The following MINAR1 variants were observed in gnomAD, a reference collection of about 807,000 sequenced individuals.
The protein encoded by MINAR1 is membrane integral NOTCH2 associated receptor 1.
A neutral mutation model predicts 65.1 loss-of-function variants in MINAR1; 40 were observed. The ratio of observed to expected loss-of-function variants is 0.61; its 90% CI spans 0.48 to 0.80. MINAR1 has a LOEUF of 0.80. Among genes scored for constraint, MINAR1 ranks in the 30% least tolerant of loss-of-function variants. The probability of loss-of-function intolerance (pLI) is 0.00; values close to 1 mark genes in which losing one functional copy is unlikely to be tolerated. For missense variants in MINAR1, 1,128 were observed against 1,148.0 expected, an observed-to-expected ratio of 0.98 and a Z score of 0.25; for synonymous variants, 482 against 449.1, an observed-to-expected ratio of 1.07 and a Z score of -0.93.
chr15:79,432,087 C>G (rs1179578117), upstream of MINAR1, among the ~76,000 whole-genome samples: 1 of 152,108 alleles, frequency 6.6e-6, no homozygotes, highest in African/African-American at 2.4e-5. Flanking sequence ...CCGGCCCGCG[C>G]TGCTCCCAGC....
the MINAR1 span, chr15:79,417,240 A>G: frequency 6.6e-6 from 1 of 152,258 alleles, no homozygotes; most frequent in African/African-American, 2.4e-5. Flanking sequence ...TAACAATCAC[A>G]AGAATGTAGA....
In MINAR1 at chr15:79,471,734, A is replaced by G. The variant is rs1228677680; in HGVS notation, c.*3350A>G. ...TTGTTGTTTTTTTTTTTGAAATAGA[A>G]AAAAACAGAAGAAGCTCTGCCAACA... On this transcript the variant is annotated 3_prime_UTR_variant, in exon 4 of 4. Transcript: ENST00000305428. 6.6e-6 allele frequency: 1 copy of G among 152,428 alleles called. No individual in the cohort carries two copies. The highest frequency in any genetic ancestry group is 1.5e-5 in the Non-Finnish European group (1 of 68,018). 9.4% of individuals were successfully genotyped at this position (152,428 alleles called of 1,614,324 possible). A position where few individuals can be genotyped will look rare whatever the true frequency, so the allele number is the denominator to read the frequency against.
At chr15:79,422,787 G>A in the MINAR1 span, 2 of 148,940 alleles carry the variant, frequency 1.3e-5, no homozygotes, top group African/African-American at 4.9e-5. Context: ...GGTGAGGGAA[G>A]TTTGGCCAGA....
intron 3 of MINAR1, 112 bp from the exon 4 acceptor site, chr15:79,468,075 C>T (rs909668424): frequency 6.1e-6 from 5 of 813,864 alleles, no homozygotes; most frequent in Non-Finnish European, 1.0e-5. Flanking sequence ...AATACAGTCT[C>T]TAACTCCCAG....
intron 1 of MINAR1, among the ~76,000 whole-genome samples, chr15:79,454,834 C>T (rs991271274): frequency 6.6e-6 from 1 of 152,186 alleles, no homozygotes; most frequent in Non-Finnish European, 1.5e-5. Flanking sequence ...ATAGGGTCTT[C>T]GGTTTCTACA....
At position 79,457,699 on chromosome 15, in the gene MINAR1, A is replaced by G. The variant is rs375161536; in HGVS notation, c.1552A>G (p.Ile518Val). 3.7e-6 allele frequency: 6 copies of G among 1,614,090 alleles called. No individual in the cohort carries two copies. Among genetic ancestry groups the G allele is most frequent in the Non-Finnish European group, 5.1e-6 (6 of 1,180,046 alleles). Residue 518 changes from isoleucine (I) to valine (V), a missense_variant, in exon 2 of 4, where the codon ATC (isoleucine) becomes GTC (valine). Physicochemically the swap from Ile to Val is conservative, Grantham distance 29. Coordinates refer to ENST00000305428, the MANE Select transcript of MINAR1 (RefSeq NM_015206.3). ...TGACTCAGAAATTGTCAGCGACGAC[A>G]TCAGTGACATTTTCCGATTTCTTGA... ...DDDSEIVSDD[I>V]SDIFRFLDDM...
In MINAR1 at chr15:79,468,060, T is replaced by C. The variant is rs564284567; in HGVS notation, c.2554-127T>C. 7.1e-6 allele frequency: 5 copies of C among 704,310 alleles called. No homozygotes were observed. In the East Asian group the frequency reaches 1.4e-4, roughly 19 times the overall value. The allele number at this position is 704,310 out of a possible 1,614,324, so 43.6% of individuals were successfully genotyped here. A position where few individuals can be genotyped will look rare whatever the true frequency, so the allele number is the denominator to read the frequency against. ...AGGCATGGGGCTGGTGGGGCAGTGT[T>C]ATGCAATACAGTCTCTAACTCCCAG... On this transcript the variant is annotated intron_variant, in intron 3 of 3. Transcript: ENST00000305428.
the MINAR1 span, chr15:79,414,475 A>G: frequency 2.0e-5 from 3 of 152,246 alleles, no homozygotes; most frequent in African/African-American, 7.2e-5. Context: ...TATGTGATGT[A>G]GTCATGGTTG....
chr15:79,450,341 G>T (rs77802691), intron 1 of MINAR1, among the ~76,000 whole-genome samples: 2 of 152,010 alleles, frequency 1.3e-5, no homozygotes, highest in South Asian at 2.1e-4. Context: ...AAGTTTTAGT[G>T]GGGGCTGGAC....
rs1368232739 is a variant in MINAR1 at position 79,457,725 on chromosome 15, T to C, written c.1578T>C (p.Asp526=). Residue 526 remains aspartate, a synonymous_variant, in exon 2 of 4, where the codon GAT becomes GAC. Coordinates refer to ENST00000305428, the MANE Select transcript of MINAR1 (RefSeq NM_015206.3). ...TCAGTGACATTTTCCGATTTCTTGA[T>C]GACATGAGCATCAGTGGCTCCACGG... ...DDISDIFRFL[D]DMSISGSTGV... 6.2e-7 allele frequency: 1 copy of C among 1,614,216 alleles called. No homozygotes were observed. Among genetic ancestry groups the C allele is most frequent in the Admixed American group, 1.7e-5 (1 of 60,036 alleles).
At chr15:79,468,096 C>A in intron 3 of MINAR1, 91 bp from the exon 4 acceptor site, 1 of 1,020,898 alleles carries the variant, frequency 9.8e-7, no homozygotes, top group Non-Finnish European at 1.5e-6. Context: ...CTGCAGACAA[C>A]TTAAGTGCTT....
In MINAR1 at chr15:79,456,847, A is replaced by T; in HGVS notation, c.700A>T (p.Asn234Tyr). Residue 234 changes from asparagine to tyrosine, a missense_variant, in exon 2 of 4, where the codon AAT becomes TAT. Coordinates refer to ENST00000305428, the MANE Select transcript of MINAR1 (RefSeq NM_015206.3). Reference protein sequence around the residue: ...SISDQDSLPINQSIKETFISN... With the variant: ...SISDQDSLPIYQSIKETFISN... ...TTCAGACCAGGACTCCCTGCCCATC[A>T]ATCAGAGCATCAAGGAGACCTTCAT... 6.2e-7 allele frequency: 1 copy of T among 1,614,172 alleles called. No individual in the cohort carries two copies. Among genetic ancestry groups the T allele is most frequent in the Non-Finnish European group, 8.5e-7 (1 of 1,180,026 alleles).
intron 1 of MINAR1, among the ~76,000 whole-genome samples, chr15:79,455,300 A>G (rs1895375803): frequency 6.6e-6 from 1 of 152,224 alleles, no homozygotes; most frequent in Non-Finnish European, 1.5e-5. Flanking sequence ...ATAATTTTAT[A>G]CCATTATGAT....
At chr15:79,432,027 C>T (rs1184009556), upstream of MINAR1, among the ~76,000 whole-genome samples, 1 of 152,118 alleles carries the variant, frequency 6.6e-6, no homozygotes, top group Non-Finnish European at 1.5e-5. Flanking sequence ...TTGAGCGCCC[C>T]GGGCGGGCGG....
In MINAR1 at chr15:79,456,229, C is replaced by A. The variant is rs765981586; in HGVS notation, c.82C>A (p.Gln28Lys). 3 of 1,614,166 alleles carry A rather than the reference C, an allele frequency of 1.9e-6. 1 individual carries two copies. In the South Asian group the frequency reaches 3.3e-5, roughly 18 times the overall value. The change falls in exon 2 of 4, where the codon CAG becomes AAG. Residue 28 changes from glutamine to lysine, a missense_variant. Coordinates refer to ENST00000305428, the MANE Select transcript of MINAR1 (RefSeq NM_015206.3). ...LDSKQNTVSY[Q>K]DLCKSLCARF... is the part of the protein sequence containing the mutation. ...CAGCAAGCAAAATACCGTTTCTTAT[C>A]AGGACCTGTGCAAATCTCTCTGTGC...
At chr15:79,435,364 C>A (rs1300684233) in intron 1 of MINAR1, among the ~76,000 whole-genome samples, 1 of 152,082 alleles carries the variant, frequency 6.6e-6, no homozygotes, top group Admixed American at 6.5e-5. Context: ...TCTGAAGAAC[C>A]CTTTGGAACC....
intron 1 of MINAR1, among the ~76,000 whole-genome samples, chr15:79,449,777 C>G (rs1487196060): frequency 2.6e-5 from 4 of 152,174 alleles, no homozygotes; most frequent in Non-Finnish European, 4.4e-5. Flanking sequence ...ATAGCACTCC[C>G]TATCTAAATT....
chr15:79,444,603 T>C (rs1400274535), intron 1 of MINAR1, among the ~76,000 whole-genome samples: 1 of 152,122 alleles, frequency 6.6e-6, no homozygotes, highest in African/African-American at 2.4e-5. Context: ...TAACTATAGT[T>C]TATAGTTTTG....
Position 79,469,638 on chromosome 15 carries a change from G to T in MINAR1, c.*1254G>T, listed in dbSNP as rs1236305200. On this transcript the variant is annotated 3_prime_UTR_variant, in exon 4 of 4. Coordinates refer to ENST00000305428, the MANE Select transcript of MINAR1 (RefSeq NM_015206.3). ...AACTTGAGAGCAAGGTTTCTTTCGT[G>T]TAAAAGAAGCTGTTGTAATTTCATC... 2.6e-5 allele frequency: 4 copies of T among 152,550 alleles called. No individual in the cohort carries two copies. The highest frequency in any genetic ancestry group is 5.9e-5 in the Non-Finnish European group (4 of 68,028). The allele number at this position is 152,550 out of a possible 1,614,324, so 9.4% of individuals were successfully genotyped here.
Sources: gnomAD v4.1 joint callset for allele counts (sites outside exome capture counted in the v4.1 genomes callset) on GRCh38, gnomAD v4.1.1 for gene constraint, MANE v1.5 for transcripts, NCBI Gene and HGNC (gene_info 2026-07-23, HGNC 2026-07-21) for gene names.